PRORP: variants seen among roughly 807,000 people sequenced by gnomAD.
The protein encoded by PRORP is protein only RNase P catalytic subunit, also known as mitochondrial ribonuclease P catalytic subunit.
PRORP carries 51 observed loss-of-function variants against 59.4 expected under a neutral mutation model. The ratio of observed to expected loss-of-function variants is 0.86; its 90% CI spans 0.69 to 1.08. PRORP has a LOEUF of 1.08. PRORP is among the 50% of genes least tolerant of loss of function. The pLI, the probability that PRORP is intolerant of heterozygous loss-of-function variation, is 0.00. For missense variants in PRORP, 646 were observed against 690.3 expected (o/e 0.94, Z 0.72); for synonymous variants, 231 against 245.6 (o/e 0.94, Z 0.55).
At chr14:35,144,450 C>T (rs1266970099) in intron 4 of PRORP, 2 of 146,062 alleles carry the variant, frequency 1.4e-5, no homozygotes, top group Non-Finnish European at 3.0e-5. Context: ...TTGGGAGGAG[C>T]AGGGATTTCC....
At chr14:35,237,181 C>T (rs2050244009) in intron 5 of PRORP, among the ~76,000 whole-genome samples, 1 of 151,896 alleles carries the variant, frequency 6.6e-6, no homozygotes, top group Non-Finnish European at 1.5e-5. Context: ...CAGCCTTGAC[C>T]TCCTAGGCTG....
chr14:35,200,691 G>GT (rs986044201), intron 5 of PRORP, among the ~76,000 whole-genome samples: 20 of 151,402 alleles, frequency 1.3e-4, no homozygotes, highest in South Asian at 2.1e-4. Context: ...AGATTTTAAA[G>GT]TTTTTTTACA....
At chr14:35,266,535 A>T (rs2051047258) in intron 5 of PRORP, among the ~76,000 whole-genome samples, 192 bp from the exon 6 acceptor site, 1 of 152,134 alleles carries the variant, frequency 6.6e-6, no homozygotes, top group Non-Finnish European at 1.5e-5. Flanking sequence ...CAGCAGGCAG[A>T]TGTTAGACAT....
chr14:35,240,363 C>T (rs2050332670), intron 5 of PRORP, among the ~76,000 whole-genome samples: 1 of 143,634 alleles, frequency 7.0e-6, no homozygotes, highest in Non-Finnish European at 1.5e-5. Context: ...TTGTTTACGC[C>T]CATCCATAGC....
At chr14:35,152,576 C>T (rs1398927198) in intron 4 of PRORP, among the ~76,000 whole-genome samples, 3 of 151,768 alleles carry the variant, frequency 2.0e-5, no homozygotes, top group East Asian at 3.9e-4. Flanking sequence ...ACCTCCCTCC[C>T]GGACGGGGCG....
upstream of PRORP, chr14:35,121,918 G>A (rs2046916285): frequency 1.2e-6 from 2 of 1,614,128 alleles, no homozygotes; most frequent in East Asian, 4.5e-5. Context: ...GACAGGTGTT[G>A]GGCGTCGCTA....
intron 4 of PRORP, among the ~76,000 whole-genome samples, chr14:35,177,224 C>A (rs1322637748): frequency 6.6e-6 from 1 of 152,066 alleles, no homozygotes; most frequent in East Asian, 1.9e-4. Context: ...TGTGTCTCTG[C>A]CAGACTTTGG....
intron 5 of PRORP, among the ~76,000 whole-genome samples, chr14:35,205,333 CA>C (rs1246182814): frequency 1.3e-5 from 2 of 152,158 alleles, no homozygotes; most frequent in Non-Finnish European, 2.9e-5. Context: ...AGGCTAATGC[CA>C]CCATGCTTAG....
At chr14:35,241,585 A>T (rs925011573) in intron 5 of PRORP, among the ~76,000 whole-genome samples, 8 of 152,138 alleles carry the variant, frequency 5.3e-5, no homozygotes, top group Admixed American at 1.3e-4. Flanking sequence ...AACCTCAGTG[A>T]GAATGTTCTT....
At position 35,210,750 on chromosome 14, in the gene PRORP, C is replaced by CTTTT. The variant is rs71435870; in HGVS notation, c.1275+30002_1275+30005dup. On this transcript the variant is annotated intron_variant, in intron 5 of 7. Coordinates refer to ENST00000534898, the MANE Select transcript of PRORP (RefSeq NM_014672.4). ...TTTTCCTTTTCTTCTTTTCTTTTGC[C>CTTTT]TTTTTTTTTTTTTTTTTTTTTTTTT... is the stretch of plus-strand genomic sequence containing the variant. 2.1e-4 allele frequency among the ~76,000 whole-genome samples: 7 copies of CTTTT among 34,082 alleles called. No homozygotes were observed. The South Asian group carries it at 6.2e-3, about 30-fold the overall frequency. The allele number at this position is 34,082 out of a possible 152,430, so 22.4% of individuals were successfully genotyped here. A position where few individuals can be genotyped will look rare whatever the true frequency, so the allele number is the denominator to read the frequency against.
chr14:35,156,831 C>T (rs887866655), intron 4 of PRORP, among the ~76,000 whole-genome samples: 2 of 152,176 alleles, frequency 1.3e-5, no homozygotes, highest in African/African-American at 2.4e-5. Flanking sequence ...AACTTATTCG[C>T]AGAGTAGATG....
In PRORP at chr14:35,244,612, CTAAT is replaced by C. The variant is rs1281619750; in HGVS notation, c.1276-22114_1276-22111del. Among the ~76,000 whole-genome samples, 4 of 151,968 alleles carry C rather than the reference CTAAT, an allele frequency of 2.6e-5. No individual in the cohort carries two copies. In the East Asian group the frequency reaches 7.7e-4, roughly 29 times the overall value. On this transcript the variant is annotated intron_variant, in intron 5 of 7. Transcript: ENST00000534898. ...AATATTGGCAATTTTACGTGGTTCTCTAATAAATACAAAGCCTCTGTGTGTGCGC... is the reference window on the plus strand; with the variant it reads ...AATATTGGCAATTTTACGTGGTTCTCAAATACAAAGCCTCTGTGTGTGCGC...
intron 2 of PRORP, among the ~76,000 whole-genome samples, chr14:35,126,395 T>G (rs1206708840): frequency 6.6e-6 from 1 of 152,190 alleles, no homozygotes; most frequent in Non-Finnish European, 1.5e-5. Context: ...AGAGGTAAAT[T>G]ACTCTCGGCA....
At chr14:35,266,630 G>C in intron 5 of PRORP, 97 bp from the exon 6 acceptor site, 1 of 1,271,332 alleles carries the variant, frequency 7.9e-7, no homozygotes, top group Non-Finnish European at 1.1e-6. Flanking sequence ...TACCAGAAAA[G>C]AGTGCTTCAC....
At chr14:35,187,580 G>A (rs1372728103) in intron 5 of PRORP, among the ~76,000 whole-genome samples, 1 of 151,750 alleles carries the variant, frequency 6.6e-6, no homozygotes, top group Non-Finnish European at 1.5e-5. Flanking sequence ...GCACCACCAT[G>A]CCTGGCTAAT....
chr14:35,147,449 C>A (rs1379202540), intron 4 of PRORP, among the ~76,000 whole-genome samples: 1 of 152,132 alleles, frequency 6.6e-6, no homozygotes, highest in African/African-American at 2.4e-5. Context: ...CTCACATGAT[C>A]CTCCCACCTC....
chr14:35,276,827 A>G lies in PRORP; in HGVS notation c.*3261A>G. 6.6e-6 allele frequency: 1 copy of G among 152,142 alleles called. No individual in the cohort carries two copies. Among genetic ancestry groups the G allele is most frequent in the East Asian group, 1.9e-4 (1 of 5,182 alleles). The allele number at this position is 152,142 out of a possible 1,614,324, so 9.4% of individuals were successfully genotyped here. A position where few individuals can be genotyped will look rare whatever the true frequency, so the allele number is the denominator to read the frequency against. Reference sequence around the variant, plus strand: ...CTTCCCCCTTGCATTCTGAATTTATACACTTTTCCTCCTGCTGTTCTCAGA... The same window carrying G: ...CTTCCCCCTTGCATTCTGAATTTATGCACTTTTCCTCCTGCTGTTCTCAGA... On this transcript the variant is annotated 3_prime_UTR_variant, in exon 8 of 8. Coordinates refer to ENST00000534898, the MANE Select transcript of PRORP (RefSeq NM_014672.4).
chr14:35,139,102 T>C (rs967332196), intron 4 of PRORP, among the ~76,000 whole-genome samples: 3 of 145,518 alleles, frequency 2.1e-5, no homozygotes, highest in African/African-American at 7.3e-5. Context: ...AAGATACTGA[T>C]TTTTCATACA....
rs879485617 is a variant in PRORP, at chr14:35,239,523, A to ATAAACTCTTGTTCTT, written c.1276-27204_1276-27203insTAAACTCTTGTTCTT. 6.5e-3 allele frequency among the ~76,000 whole-genome samples: 985 copies of ATAAACTCTTGTTCTT among 152,304 alleles called. 4 individuals carry two copies. The highest frequency in any genetic ancestry group is 9.7e-3 in the Non-Finnish European group (659 of 68,028). ...AATTAAGAGTTTATTAGATCAGGCAACGAGCTGGTGAAGAACAAGAACAGA... is the reference window on the plus strand; with the variant it reads ...AATTAAGAGTTTATTAGATCAGGCAATAAACTCTTGTTCTTCGAGCTGGTGAAGAACAAGAACAGA... On this transcript the variant is annotated intron_variant, in intron 5 of 7. Coordinates refer to ENST00000534898, the MANE Select transcript of PRORP (RefSeq NM_014672.4).
Sources: gnomAD v4.1 joint callset for allele counts (sites outside exome capture counted in the v4.1 genomes callset) on GRCh38, gnomAD v4.1.1 for gene constraint, MANE v1.5 for transcripts, NCBI Gene and HGNC (gene_info 2026-07-23, HGNC 2026-07-21) for gene names.